The following TTLL6 variants were observed in gnomAD, a reference collection of about 807,000 sequenced individuals.
TTLL6 encodes the protein tubulin tyrosine ligase like 6, also known as tubulin polyglutamylase TTLL6.
A neutral mutation model predicts 96.4 loss-of-function variants in TTLL6; 75 were observed. The observed-to-expected ratio is 0.78, with a 90% CI of 0.65 to 0.94. The LOEUF is 0.94. TTLL6 is among the 40% of genes least tolerant of loss of function. The pLI, the probability that TTLL6 is intolerant of heterozygous loss-of-function variation, is 0.00. For missense variants in TTLL6, 1,030 were observed against 1,093.0 expected (o/e 0.94, Z 0.81); for synonymous variants, 411 against 419.4 (o/e 0.98, Z 0.24).
intron 15 of TTLL6, among the ~76,000 whole-genome samples, chr17:48,767,774 T>C (rs2038645235): frequency 6.6e-6 from 1 of 152,174 alleles, no homozygotes; most frequent in African/African-American, 2.4e-5. Context: ...GGAGGGCATC[T>C]TACCATCTCC....
intron 1 of TTLL6, among the ~76,000 whole-genome samples, chr17:48,805,767 G>A (rs1414326232): frequency 6.6e-6 from 1 of 152,018 alleles, no homozygotes; most frequent in Non-Finnish European, 1.5e-5. Flanking sequence ...GAGGTCAGAC[G>A]TTTGAGACCA....
chr17:48,779,480 T>C (rs568475287), intron 13 of TTLL6, among the ~76,000 whole-genome samples: 12 of 151,958 alleles, frequency 7.9e-5, no homozygotes, highest in African/African-American at 2.9e-4. Context: ...TCACTTTGGA[T>C]AAAGACTTTG....
chr17:48,803,875 G>A lies in TTLL6; in HGVS notation c.361+16C>T. The A allele has an allele frequency of 1.9e-6, 3 of 1,551,828 alleles. No individual in the cohort carries two copies. In the African/African-American group the frequency reaches 4.1e-5, roughly 21 times the overall value. On this transcript the variant is annotated intron_variant, in intron 3 of 15. Coordinates refer to ENST00000393382, the MANE Select transcript of TTLL6 (RefSeq NM_001130918.3). ...AGTGGGTCCCCATTATAGATCTCCT[G>A]AATGTAGATGCTCACCACTCTCATA...
At chr17:48,765,160 C>A (rs1195238953) in intron 15 of TTLL6, among the ~76,000 whole-genome samples, 1 of 151,978 alleles carries the variant, frequency 6.6e-6, no homozygotes, top group Non-Finnish European at 1.5e-5. Flanking sequence ...GTCTGTAATC[C>A]CAGAGCTTTG....
chr17:48,807,387 T>C (rs1172548414), intron 1 of TTLL6, among the ~76,000 whole-genome samples: 1 of 151,446 alleles, frequency 6.6e-6, no homozygotes, highest in Non-Finnish European at 1.5e-5. Context: ...CACCGTGCCC[T>C]GCCAAAATAA....
intron 9 of TTLL6, among the ~76,000 whole-genome samples, chr17:48,791,072 G>A (rs977336296): frequency 6.6e-6 from 1 of 152,118 alleles, no homozygotes. Context: ...GATGAAAAAC[G>A]CCCCTTTCTG....
chr17:48,784,853 T>G, intron 13 of TTLL6, 70 bp downstream of exon 13: 1 of 1,379,350 alleles, frequency 7.2e-7, no homozygotes, highest in Non-Finnish European at 1.0e-6. Context: ...TCACAGCAAG[T>G]TGGGGGTAGA....
intron 13 of TTLL6, among the ~76,000 whole-genome samples, chr17:48,778,004 C>T (rs1194412168): frequency 1.3e-5 from 2 of 151,840 alleles, no homozygotes; most frequent in South Asian, 2.1e-4. Flanking sequence ...GCTGGGCGCC[C>T]GGTGGCTCAC....
chr17:48,797,000 A>C, intron 7 of TTLL6, 61 bp downstream of exon 7: 1 of 1,045,028 alleles, frequency 9.6e-7, no homozygotes. Flanking sequence ...TTTAACTAGA[A>C]TTTTTTTTTT....
chr17:48,811,291 A>G (rs1401129063), intron 1 of TTLL6, among the ~76,000 whole-genome samples: 1 of 151,844 alleles, frequency 6.6e-6, no homozygotes, highest in Non-Finnish European at 1.5e-5. Context: ...GCTGGTCTCA[A>G]ACTCCTGACC....
chr17:48,777,624 A>G (rs1323984626), intron 13 of TTLL6, among the ~76,000 whole-genome samples: 2 of 152,060 alleles, frequency 1.3e-5, no homozygotes, highest in African/African-American at 4.8e-5. Context: ...CCAGCTACTC[A>G]GGAGGCTGAG....
chr17:48,773,112 G>A (rs144350028), intron 13 of TTLL6, among the ~76,000 whole-genome samples: 1 of 74,178 alleles, frequency 1.3e-5, no homozygotes, highest in African/African-American at 6.2e-5. Context: ...AACAGTCAGC[G>A]AGTTTGACTA....
At chr17:48,771,328 A>G (rs1882861281) in intron 13 of TTLL6, among the ~76,000 whole-genome samples, 1 of 152,180 alleles carries the variant, frequency 6.6e-6, no homozygotes, top group African/African-American at 2.4e-5. Context: ...TGGATGGCTC[A>G]AATAAAAATA....
In TTLL6 at chr17:48,789,981, C is replaced by A; in HGVS notation, c.1350G>T (p.Glu450Asp). 1.2e-6 allele frequency: 2 copies of A among 1,614,202 alleles called. No homozygotes were observed. The highest frequency in any genetic ancestry group is 1.7e-6 in the Non-Finnish European group (2 of 1,180,030). ...ESCDKKKVLE[E>D]ERQRGQFLQQ... is the part of the protein sequence containing the mutation. ...GCAGGAACTGCCCCCGTTGTCTCTC[C>A]TCCTCCAAGACTTTCTTCTTGTCAC... Residue 450 changes from glutamate (E) to aspartate (D), a missense_variant, in exon 10 of 16, where the codon GAG becomes GAT. By Grantham distance (45) the Glu-to-Asp change is conservative. Coordinates refer to ENST00000393382, the MANE Select transcript of TTLL6 (RefSeq NM_001130918.3).
At chr17:48,778,001 G>A (rs1476903642) in intron 13 of TTLL6, among the ~76,000 whole-genome samples, 3 of 152,256 alleles carry the variant, frequency 2.0e-5, no homozygotes, top group East Asian at 3.9e-4. Context: ...CATGCTGGGC[G>A]CCCGGTGGCT....
intron 1 of TTLL6, among the ~76,000 whole-genome samples, chr17:48,808,312 T>C (rs2039534060): frequency 6.6e-6 from 1 of 152,200 alleles, no homozygotes; most frequent in African/African-American, 2.4e-5. Context: ...TTGGGGTTAT[T>C]TTCTTAATAT....
intron 13 of TTLL6, among the ~76,000 whole-genome samples, chr17:48,782,853 G>A (rs2039015448): frequency 6.6e-6 from 1 of 151,966 alleles, no homozygotes; most frequent in East Asian, 1.9e-4. Context: ...AGACGGGATT[G>A]TAGGCACCCA....
intron 2 of TTLL6, 47 bp from the exon 3 acceptor site, chr17:48,803,975 G>A: frequency 2.6e-6 from 4 of 1,543,134 alleles, no homozygotes; most frequent in Non-Finnish European, 3.5e-6. Flanking sequence ...AGACACACTT[G>A]CCAGAACAAG....
chr17:48,788,054 G>T, intron 10 of TTLL6, 55 bp from the exon 11 acceptor site: 1 of 1,563,304 alleles, frequency 6.4e-7, no homozygotes, highest in Non-Finnish European at 8.7e-7. Flanking sequence ...ACAAAGCCTG[G>T]AAGGGATATG....
Sources: allele counts gnomAD v4.1 joint callset (sites outside exome capture counted in the v4.1 genomes callset), GRCh38; gene constraint gnomAD v4.1.1; transcripts MANE v1.5; gene names NCBI Gene and HGNC (gene_info 2026-07-23, HGNC 2026-07-21).